The following SYNC variants were observed in gnomAD, a reference collection of about 807,000 sequenced individuals.
The protein encoded by SYNC is syncoilin, intermediate filament protein.
SYNC carries 38 observed loss-of-function variants against 49.5 expected under a neutral mutation model. The ratio of observed to expected loss-of-function variants is 0.77; its 90% CI spans 0.59 to 1.01. The LOEUF is 1.01. SYNC is among the 50% of genes least tolerant of loss of function. SYNC has a pLI of 0.00. For synonymous variants in SYNC, 201 were observed against 230.8 expected, an observed-to-expected ratio of 0.87 and a Z score of 1.17; for missense variants, 579 against 580.6, an observed-to-expected ratio of 1.00 and a Z score of 0.03.
rs775126027 is a variant in SYNC, at chr1:32,695,794, T to G, written c.304A>C (p.Asn102His). The G allele has an allele frequency of 7.1e-6, 11 of 1,551,610 alleles. No homozygotes were observed. The highest frequency in any genetic ancestry group is 7.8e-6 in the Non-Finnish European group (9 of 1,147,010). Residue 102 changes from asparagine (N) to histidine (H), a missense_variant, in exon 2 of 5, where the codon AAT becomes CAT. Coordinates refer to ENST00000409190, the MANE Select transcript of SYNC (RefSeq NM_030786.3). The stretch of plus-strand genomic sequence containing the variant: ...TCCACACACACTGTCTCCTCTGGAT[T>G]CCCAGGCTCCTCCACATGCAGAGCC... ...DEALHVEEPG[N>H]PEETVCVEET...
At chr1:32,682,519 TCCCAG>T (rs1488056090) in intron 4 of SYNC, 1 of 152,206 alleles carries the variant, frequency 6.6e-6, no homozygotes, top group Non-Finnish European at 1.5e-5. Context: ...ACGCCTGTAA[TCCCAG>T]CACTTTGAGA....
At chr1:32,687,287 G>A (rs1649892352) in intron 2 of SYNC, among the ~76,000 whole-genome samples, 1 of 151,530 alleles carries the variant, frequency 6.6e-6, no homozygotes, top group Non-Finnish European at 1.5e-5. Context: ...CTTGAACCTG[G>A]GAGGCGGAGG....
At position 32,694,851 on chromosome 1, in the gene SYNC, C is replaced by A; in HGVS notation, c.1233+14G>T. The A allele has an allele frequency of 1.9e-6, 3 of 1,549,488 alleles. No individual in the cohort carries two copies. The highest frequency in any genetic ancestry group is 2.6e-6 in the Non-Finnish European group (3 of 1,151,096). ...TTAAAAGACCTCAGTTCTTTTCATGCCCAATGGGCCTACCCTGTACTGCTG... is the reference window on the plus strand; with the variant it reads ...TTAAAAGACCTCAGTTCTTTTCATGACCAATGGGCCTACCCTGTACTGCTG... On this transcript the variant is annotated intron_variant, in intron 2 of 4. Coordinates refer to ENST00000409190, the MANE Select transcript of SYNC (RefSeq NM_030786.3).
At chr1:32,697,313 T>C (rs1410417932) in intron 1 of SYNC, among the ~76,000 whole-genome samples, 2 of 151,074 alleles carry the variant, frequency 1.3e-5, no homozygotes, top group African/African-American at 4.9e-5. Flanking sequence ...TGGTGGTGCA[T>C]GCCTGTAATC....
Position 32,681,818 on chromosome 1 carries a change from T to C in SYNC, c.*32A>G. On this transcript the variant is annotated 3_prime_UTR_variant, in exon 5 of 5. Coordinates refer to ENST00000409190, the MANE Select transcript of SYNC (RefSeq NM_030786.3). The stretch of plus-strand genomic sequence containing the variant: ...GATCCTTTGCTAAGAAGTTTTTTGC[T>C]GTTTCCGGGTTACAGATTTGGCCAT... 2 of 1,614,194 alleles carry C rather than the reference T, an allele frequency of 1.2e-6. No homozygotes were observed. The highest frequency in any genetic ancestry group is 1.7e-6 in the Non-Finnish European group (2 of 1,180,030).
At chr1:32,696,975 T>G (rs182481251) in intron 1 of SYNC, among the ~76,000 whole-genome samples, 284 of 151,796 alleles carry the variant, frequency 1.9e-3, no homozygotes, top group Non-Finnish European at 3.0e-3. Context: ...CTCAAACTCC[T>G]GACCTCAAGT....
chr1:32,702,719 G>A lies in SYNC; in HGVS notation c.-59C>T, dbSNP rs1052910508. The A allele has an allele frequency of 5.1e-5, 56 of 1,107,608 alleles. No homozygotes were observed. Among genetic ancestry groups the A allele is most frequent in the Non-Finnish European group, 5.7e-5 (52 of 907,910 alleles). 68.6% of individuals were successfully genotyped at this position (1,107,608 alleles called of 1,614,324 possible). Reference sequence around the variant, plus strand: ...TAATAGCCGGGCCCGCGGGCCCCTCGCTCCGGCGCCCGCGCCCGCCGCACT... The same window carrying A: ...TAATAGCCGGGCCCGCGGGCCCCTCACTCCGGCGCCCGCGCCCGCCGCACT... On this transcript the variant is annotated 5_prime_UTR_variant, in exon 1 of 5. Coordinates refer to ENST00000409190, the MANE Select transcript of SYNC (RefSeq NM_030786.3). The surrounding 1 kb of genome is among the most constrained non-coding windows in gnomAD (Gnocchi z 6.2).
At chr1:32,699,543 G>A (rs767301881) in intron 1 of SYNC, among the ~76,000 whole-genome samples, 6 of 151,892 alleles carry the variant, frequency 4.0e-5, no homozygotes, top group Non-Finnish European at 5.9e-5. Context: ...AAGACATCCT[G>A]TCTCACTGGC....
chr1:32,684,376 G>C lies in SYNC; in HGVS notation c.1240C>G (p.Leu414Val), dbSNP rs747328384. ...DEEVQQYREQ[L>V]EEMEERQRQL... The stretch of plus-strand genomic sequence containing the variant: ...CTCTGGCGTTCTTCCATTTCCTCCA[G>C]CTGTTCCTGCATGAGATGGCCAAGA... The change falls in exon 3 of 5, where the codon CTG becomes GTG. Residue 414 changes from leucine to valine, a missense_variant. Leu to Val is a conservative substitution (Grantham distance 32). Coordinates refer to ENST00000409190, the MANE Select transcript of SYNC (RefSeq NM_030786.3). 1.2e-6 allele frequency: 2 copies of C among 1,614,114 alleles called. No individual in the cohort carries two copies. Among genetic ancestry groups the C allele is most frequent in the Non-Finnish European group, 1.7e-6 (2 of 1,180,008 alleles).
rs940819807 is a variant in SYNC, at chr1:32,694,769, A to C, written c.1233+96T>G. On this transcript the variant is annotated intron_variant, in intron 2 of 4. Transcript: ENST00000409190. Reference sequence around the variant, plus strand: ...CCAAAGAACAAATTTTTCTTCCTACATGTGACACTATCTTTCAGCCCCAAA... The same window carrying C: ...CCAAAGAACAAATTTTTCTTCCTACCTGTGACACTATCTTTCAGCCCCAAA... 5.5e-6 allele frequency: 7 copies of C among 1,262,962 alleles called. No individual in the cohort carries two copies. In the East Asian group the frequency reaches 1.6e-4, roughly 30 times the overall value. 78.2% of individuals were successfully genotyped at this position (1,262,962 alleles called of 1,614,324 possible).
intron 2 of SYNC, among the ~76,000 whole-genome samples, chr1:32,692,110 C>T (rs1275393640): frequency 1.3e-5 from 2 of 151,630 alleles, no homozygotes; most frequent in African/African-American, 4.9e-5. Context: ...CGGGCGCCTG[C>T]AATCCCAGCT....
At position 32,680,060 on chromosome 1, in the gene SYNC, A is replaced by G. The variant is rs1649326165; in HGVS notation, c.*1790T>C. ...CTAGAGTGAGTAAGGAATAGAGCCA[A>G]ATGAGGTAGGTGTCTGAGCCATGAA... On this transcript the variant is annotated 3_prime_UTR_variant, in exon 5 of 5. Transcript: ENST00000409190. The G allele has an allele frequency of 9.3e-7, 1 of 1,078,970 alleles. No individual in the cohort carries two copies. The highest frequency in any genetic ancestry group is 3.5e-5 in the South Asian group (1 of 28,834). The allele number at this position is 1,078,970 out of a possible 1,614,324, so 66.8% of individuals were successfully genotyped here.
intron 2 of SYNC, among the ~76,000 whole-genome samples, chr1:32,693,772 A>G (rs1390059551): frequency 1.3e-5 from 2 of 152,246 alleles, no homozygotes; most frequent in Non-Finnish European, 2.9e-5. Flanking sequence ...CTTAATCAGA[A>G]ATAACTTGAA....
intron 2 of SYNC, among the ~76,000 whole-genome samples, chr1:32,692,150 C>T (rs532933465): frequency 9.9e-5 from 15 of 151,932 alleles, no homozygotes; most frequent in African/African-American, 2.9e-4. Context: ...GACAATGGCG[C>T]GAACCCGGGA....
chr1:32,690,717 G>A (rs1054140018), intron 2 of SYNC, among the ~76,000 whole-genome samples: 14 of 151,162 alleles, frequency 9.3e-5, no homozygotes, highest in African/African-American at 2.7e-4. Context: ...TTGGGAGGCC[G>A]AGCCAGGCAG....
At chr1:32,690,029 G>A (rs1650086145) in intron 2 of SYNC, among the ~76,000 whole-genome samples, 2 of 151,486 alleles carry the variant, frequency 1.3e-5, no homozygotes, top group Admixed American at 6.6e-5. Context: ...AGGGACCTCA[G>A]ACCTTGCTTC....
chr1:32,698,400 T>C (rs982904255), intron 1 of SYNC, among the ~76,000 whole-genome samples: 1 of 151,986 alleles, frequency 6.6e-6, no homozygotes, highest in African/African-American at 2.4e-5. Flanking sequence ...GCACCTGTAG[T>C]CCCAGCTACT....
chr1:32,690,137 G>A (rs989708705), intron 2 of SYNC, among the ~76,000 whole-genome samples: 4 of 152,200 alleles, frequency 2.6e-5, no homozygotes, highest in East Asian at 3.9e-4. Flanking sequence ...TCAGCAACTC[G>A]GGAGGCTGAG....
rs548650031 is a variant in SYNC at position 32,687,895 on chromosome 1, G to C, written c.1234-3513C>G. On this transcript the variant is annotated intron_variant, in intron 2 of 4. Transcript: ENST00000409190. ...GATGGAGTCTTGCTCTGTCGCTCAG[G>C]CTGGAGTGCGCTGGCACCATCTTGG... 2.1e-4 allele frequency among the ~76,000 whole-genome samples: 19 copies of C among 91,330 alleles called. No homozygotes were observed. The East Asian group carries it at 6.3e-3, about 30-fold the overall frequency. The allele number at this position is 91,330 out of a possible 152,430, so 59.9% of individuals were successfully genotyped here.
Sources: allele counts gnomAD v4.1 joint callset (sites outside exome capture counted in the v4.1 genomes callset), GRCh38; gene constraint gnomAD v4.1.1; non-coding constraint Gnocchi (gnomAD v3.1); transcripts MANE v1.5; gene names NCBI Gene and HGNC (gene_info 2026-07-23, HGNC 2026-07-21).